CPNE4: variants seen among roughly 807,000 people sequenced by gnomAD.
CPNE4 encodes copine 4, also known as copine-4.
Under a neutral mutation model 67.9 loss-of-function variants are expected in CPNE4, and 25 were observed. That is an observed-to-expected ratio of 0.37 (90% confidence interval 0.27 to 0.51). CPNE4 has a LOEUF of 0.51. CPNE4 is among the 20% of genes least tolerant of loss of function. The probability of loss-of-function intolerance (pLI) is 0.93; values close to 1 mark genes in which losing one functional copy is unlikely to be tolerated. For missense variants in CPNE4, 464 were observed against 690.8 expected, an observed-to-expected ratio of 0.67 and a Z score of 3.68; for synonymous variants, 242 against 244.9, an observed-to-expected ratio of 0.99 and a Z score of 0.11.
chr3:131,944,316 G>A (rs1003408490), intron 1 of CPNE4, among the ~76,000 whole-genome samples: 1 of 151,970 alleles, frequency 6.6e-6, no homozygotes. Context: ...ATGACTTCAT[G>A]GTGTGGGCAA....
At chr3:132,002,200 G>T (rs1378039115) in intron 1 of CPNE4, among the ~76,000 whole-genome samples, 1 of 152,080 alleles carries the variant, frequency 6.6e-6, no homozygotes, top group Admixed American at 6.6e-5. Context: ...CATCTCAATA[G>T]TACACCATGG....
At chr3:131,669,549 T>TA (rs2080352973) in intron 7 of CPNE4, 126 bp downstream of exon 7, 1 of 667,072 alleles carries the variant, frequency 1.5e-6, no homozygotes, top group Non-Finnish European at 2.5e-6. Context: ...ATCGAGATGC[T>TA]AAAAGATGAG....
intron 2 of CPNE4, among the ~76,000 whole-genome samples, chr3:131,760,357 C>G (rs2082856349): frequency 6.6e-6 from 1 of 152,122 alleles, no homozygotes; most frequent in South Asian, 2.1e-4. Context: ...GAAAAAGAGG[C>G]TCAGGGAGGA....
intron 2 of CPNE4, among the ~76,000 whole-genome samples, chr3:131,807,941 A>G (rs73875024): frequency 0.021 from 3,134 of 152,280 alleles, 121 homozygotes; most frequent in African/African-American, 0.072. Flanking sequence ...TGAATGAATG[A>G]CAAAGGCAAA....
chr3:131,814,271 T>C (rs910918097), intron 2 of CPNE4, among the ~76,000 whole-genome samples: 1 of 152,160 alleles, frequency 6.6e-6, no homozygotes, highest in African/African-American at 2.4e-5. Context: ...GAGTTTCTCT[T>C]CATTGTAGCA....
chr3:131,808,519 A>AC (rs2084406760), intron 2 of CPNE4, among the ~76,000 whole-genome samples: 1 of 141,316 alleles, frequency 7.1e-6, no homozygotes, highest in Non-Finnish European at 1.6e-5. Flanking sequence ...AAACTCAAAG[A>AC]GAAAAAAAAA....
intron 2 of CPNE4, among the ~76,000 whole-genome samples, chr3:131,901,819 A>G (rs1046050585): frequency 6.6e-5 from 10 of 151,818 alleles, no homozygotes; most frequent in African/African-American, 2.2e-4. Flanking sequence ...AAAGGAGAGA[A>G]CCCTTAATTT....
At chr3:131,596,616 C>T (rs1212809563) in intron 7 of CPNE4, among the ~76,000 whole-genome samples, 1 of 47,918 alleles carries the variant, frequency 2.1e-5, no homozygotes, top group Non-Finnish European at 3.3e-5. Context: ...AGCGAGACTC[C>T]GTCTCAAAAA....
In CPNE4 at chr3:131,560,765, C is replaced by T. The variant is rs891062148; in HGVS notation, c.1061+3451G>A. On this transcript the variant is annotated intron_variant, in intron 11 of 15. Transcript: ENST00000429747. ...ATCTGAGCCATCTCTCATGATTTAA[C>T]ACTGGGTCTCAACCCTGGATACCTA... 3.3e-5 allele frequency among the ~76,000 whole-genome samples: 5 copies of T among 152,168 alleles called. No individual in the cohort carries two copies. The East Asian group carries it at 9.7e-4, about 30-fold the overall frequency.
At chr3:131,680,382 A>G (rs1031585600) in intron 6 of CPNE4, among the ~76,000 whole-genome samples, 3 of 151,774 alleles carry the variant, frequency 2.0e-5, no homozygotes, top group Non-Finnish European at 2.9e-5. Flanking sequence ...ATTATTTTCA[A>G]CTGACAACAA....
At chr3:131,704,358 C>A (rs542349273) in intron 3 of CPNE4, among the ~76,000 whole-genome samples, 1 of 152,164 alleles carries the variant, frequency 6.6e-6, no homozygotes, top group Non-Finnish European at 1.5e-5. Context: ...CAACCAGTGA[C>A]TGATGGTCTT....
At chr3:131,918,002 C>T (rs1030744844) in intron 1 of CPNE4, among the ~76,000 whole-genome samples, 5 of 152,190 alleles carry the variant, frequency 3.3e-5, no homozygotes, top group African/African-American at 1.2e-4. Flanking sequence ...TACTCATGGA[C>T]AAGCATTTTT....
intron 7 of CPNE4, among the ~76,000 whole-genome samples, chr3:131,639,230 C>A (rs550392369): frequency 3.9e-5 from 6 of 152,080 alleles, no homozygotes; most frequent in African/African-American, 1.4e-4. Flanking sequence ...AAAGTTGGTT[C>A]TTTGAAAAGA....
chr3:131,917,607 G>A (rs548421521), intron 1 of CPNE4, among the ~76,000 whole-genome samples: 1 of 152,142 alleles, frequency 6.6e-6, no homozygotes, highest in East Asian at 1.9e-4. Flanking sequence ...GACTTCTTCA[G>A]TCTGAATACC....
chr3:131,616,224 G>A (rs1940151247), intron 7 of CPNE4, among the ~76,000 whole-genome samples: 4 of 151,822 alleles, frequency 2.6e-5, no homozygotes, highest in Admixed American at 2.6e-4. Flanking sequence ...AGCTGTGGGA[G>A]TAGGAGCAAG....
intron 2 of CPNE4, among the ~76,000 whole-genome samples, chr3:131,887,499 A>G (rs902166208): frequency 1.3e-5 from 2 of 152,220 alleles, no homozygotes; most frequent in Non-Finnish European, 2.9e-5. Context: ...TACTGACCTC[A>G]GTAGGCTGTA....
chr3:131,872,352 C>G (rs2087251619), intron 2 of CPNE4, among the ~76,000 whole-genome samples: 2 of 152,136 alleles, frequency 1.3e-5, no homozygotes, highest in Non-Finnish European at 2.9e-5. Context: ...TAGGTTCAGT[C>G]TGACGACCAG....
At chr3:131,542,371 G>A (rs1269319887) in intron 15 of CPNE4, among the ~76,000 whole-genome samples, 186 bp downstream of exon 15, 2 of 151,652 alleles carry the variant, frequency 1.3e-5, no homozygotes, top group African/African-American at 4.8e-5. Context: ...CCTTGTTGTG[G>A]GAGATGACGT....
intron 14 of CPNE4, 76 bp from the exon 15 acceptor site, chr3:131,542,869 ACACC>A: frequency 7.7e-6 from 8 of 1,041,866 alleles, no homozygotes; most frequent in Non-Finnish European, 1.2e-5. Context: ...TACCAGTTAG[ACACC>A]CAGGTGGCCT....
Sources: gnomAD v4.1 joint callset for allele counts (sites outside exome capture counted in the v4.1 genomes callset) on GRCh38, gnomAD v4.1.1 for gene constraint, MANE v1.5 for transcripts, NCBI Gene and HGNC (gene_info 2026-07-23, HGNC 2026-07-21) for gene names.